Variants in NAV2 observed in about 807,000 individuals in gnomAD.
The protein encoded by NAV2 is helicase, APC down-regulated 1.
NAV2 carries 54 observed loss-of-function variants against 223.2 expected under a neutral mutation model. That is an observed-to-expected ratio of 0.24 (90% CI 0.19 to 0.30). The LOEUF (loss-of-function observed/expected upper bound fraction) is 0.30, where lower values mean the gene tolerates loss of function less well. Among genes scored for constraint, NAV2 ranks in the 10% least tolerant of loss-of-function variants. The probability of loss-of-function intolerance (pLI) is 1.00; values close to 1 mark genes in which losing one functional copy is unlikely to be tolerated. For missense variants in NAV2, 2,806 were observed against 3,147.5 expected (o/e 0.89, Z 2.60); for synonymous variants, 1,279 against 1,239.3 (o/e 1.03, Z -0.67).
At chr11:19,360,151 C>T (rs1293397715) in intron 1 of NAV2, among the ~76,000 whole-genome samples, 1 of 152,188 alleles carries the variant, frequency 6.6e-6, no homozygotes, top group Non-Finnish European at 1.5e-5. Flanking sequence ...TCAGCCTTGG[C>T]CCCCATCCTG....
intron 11 of NAV2, among the ~76,000 whole-genome samples, chr11:20,034,628 C>T (rs1180197529): frequency 7.2e-5 from 11 of 152,164 alleles, no homozygotes; most frequent in Non-Finnish European, 1.3e-4. Context: ...GTGATCCACC[C>T]GCCTTGGCTT....
intron 1 of NAV2, among the ~76,000 whole-genome samples, chr11:19,407,273 A>G (rs895497169): frequency 6.6e-6 from 1 of 152,234 alleles, no homozygotes; most frequent in Non-Finnish European, 1.5e-5. Context: ...ATCTAGAGGC[A>G]GGGACCAAGG....
At chr11:19,893,730 C>T (rs1214641932) in intron 6 of NAV2, among the ~76,000 whole-genome samples, 1 of 152,228 alleles carries the variant, frequency 6.6e-6, no homozygotes, top group African/African-American at 2.4e-5. Flanking sequence ...ACGCCATCAC[C>T]AGGATGTCTT....
rs76301928 is a variant in NAV2 at position 19,932,798 on chromosome 11, T to A, written c.932-378T>A. ...CATTGTTTGCTTAAAGTTGGATAAT[T>A]CTTGATTCTTTCCCATAATTGGGAA... On this transcript the variant is annotated intron_variant, in intron 6 of 37. Transcript: ENST00000349880. Among the ~76,000 whole-genome samples the A allele has an allele frequency of 5.4e-4, 83 of 152,338 alleles. 2 individuals carry two copies. The East Asian group carries it at 0.016, about 29-fold the overall frequency.
intron 3 of NAV2, among the ~76,000 whole-genome samples, chr11:19,868,120 C>A (rs2062209288): frequency 6.6e-6 from 1 of 152,072 alleles, no homozygotes. Flanking sequence ...TGAGTGGGGT[C>A]CCCATTGTGA....
intron 1 of NAV2, among the ~76,000 whole-genome samples, chr11:19,719,102 C>A (rs1027040760): frequency 1.3e-5 from 2 of 152,098 alleles, no homozygotes; most frequent in Non-Finnish European, 2.9e-5. Context: ...TTTCATGAGG[C>A]CCCAGTGGAA....
intron 1 of NAV2, among the ~76,000 whole-genome samples, chr11:19,572,292 T>G (rs2045449324): frequency 6.6e-6 from 1 of 152,206 alleles, no homozygotes; most frequent in Non-Finnish European, 1.5e-5. Flanking sequence ...GGAAGAGGCC[T>G]TAAAGCCCTC....
At chr11:19,741,359 A>T (rs896946472) in intron 1 of NAV2, among the ~76,000 whole-genome samples, 4 of 151,950 alleles carry the variant, frequency 2.6e-5, no homozygotes, top group Non-Finnish European at 5.9e-5. Flanking sequence ...AGATCTCTAG[A>T]TTTATTTATC....
intron 1 of NAV2, among the ~76,000 whole-genome samples, chr11:19,746,148 G>T (rs114337641): frequency 3.0e-4 from 46 of 152,072 alleles, no homozygotes; most frequent in African/African-American, 1.0e-3. Flanking sequence ...ATGCAGCCTC[G>T]GCCCACTTCA....
At chr11:19,782,906 G>A (rs555145757) in intron 1 of NAV2, among the ~76,000 whole-genome samples, 20 of 152,290 alleles carry the variant, frequency 1.3e-4, no homozygotes, top group East Asian at 3.9e-4. Context: ...AGATGTAGTC[G>A]AGGATTGCCC....
At chr11:19,383,140 A>G (rs1848907633) in intron 1 of NAV2, among the ~76,000 whole-genome samples, 1 of 152,198 alleles carries the variant, frequency 6.6e-6, no homozygotes, top group Admixed American at 6.5e-5. Context: ...GCTATAGTGC[A>G]CTAGCATCTC....
At chr11:19,973,867 C>T (rs186471357) in intron 10 of NAV2, among the ~76,000 whole-genome samples, 150 of 152,332 alleles carry the variant, frequency 9.8e-4, no homozygotes, top group Non-Finnish European at 1.7e-3. Context: ...TAATACTGCT[C>T]CCTCTTGCCA....
intron 1 of NAV2, among the ~76,000 whole-genome samples, chr11:19,704,520 G>T (rs191864526): frequency 6.6e-6 from 1 of 152,228 alleles, no homozygotes; most frequent in African/African-American, 2.4e-5. Context: ...ACCTCTCTGG[G>T]CCTCATTTTT....
At chr11:20,106,299 C>T (rs2062097857) in intron 35 of NAV2, among the ~76,000 whole-genome samples, 1 of 142,050 alleles carries the variant, frequency 7.0e-6, no homozygotes, top group Non-Finnish European at 1.5e-5. Context: ...TGGCTCATGC[C>T]TGTAATCTCA....
At chr11:19,573,087 A>G (rs1438587668) in intron 1 of NAV2, among the ~76,000 whole-genome samples, 1 of 151,648 alleles carries the variant, frequency 6.6e-6, no homozygotes, top group Non-Finnish European at 1.5e-5. Context: ...CTCGGCAGGC[A>G]CTCCTCTGGC....
At chr11:20,117,132 G>A (rs559608338) in intron 37 of NAV2, among the ~76,000 whole-genome samples, 5 of 152,162 alleles carry the variant, frequency 3.3e-5, no homozygotes, top group Admixed American at 1.3e-4. Context: ...CCCTAGCTCA[G>A]AGAGGCCCCA....
At chr11:20,017,307 C>T (rs1450678212) in intron 11 of NAV2, among the ~76,000 whole-genome samples, 6 of 152,204 alleles carry the variant, frequency 3.9e-5, no homozygotes, top group Non-Finnish European at 7.3e-5. Flanking sequence ...CCAGCACACC[C>T]AGCCTCTCCC....
chr11:19,819,728 G>A (rs2059278031), intron 1 of NAV2, among the ~76,000 whole-genome samples: 1 of 152,192 alleles, frequency 6.6e-6, no homozygotes, highest in Non-Finnish European at 1.5e-5. Context: ...CAAACACTGA[G>A]TCCCCACAAT....
chr11:19,655,290 G>C (rs932996602), intron 1 of NAV2, among the ~76,000 whole-genome samples: 1 of 152,164 alleles, frequency 6.6e-6, no homozygotes, highest in African/African-American at 2.4e-5. Flanking sequence ...TTGCACTGTT[G>C]GTGGGACTGT....
Sources: gnomAD v4.1 joint callset for allele counts (sites outside exome capture counted in the v4.1 genomes callset) on GRCh38, gnomAD v4.1.1 for gene constraint, MANE v1.5 for transcripts, NCBI Gene and HGNC (gene_info 2026-07-23, HGNC 2026-07-21) for gene names.